The following ARHGAP44 variants were observed in gnomAD, a reference collection of about 807,000 sequenced individuals.
ARHGAP44 encodes Rho GTPase activating protein 44.
ARHGAP44 carries 43 observed loss-of-function variants against 106.8 expected under a neutral mutation model. That is an observed-to-expected ratio of 0.40 (90% CI 0.32 to 0.52). The LOEUF (loss-of-function observed/expected upper bound fraction) is 0.52, where lower values mean the gene tolerates loss of function less well. ARHGAP44 is among the 20% of genes least tolerant of loss of function. The pLI is 0.48. For synonymous variants in ARHGAP44, 439 were observed against 410.3 expected (o/e 1.07, Z -0.85); for missense variants, 866 against 1,050.5 (o/e 0.82, Z 2.43).
intron 3 of ARHGAP44, among the ~76,000 whole-genome samples, chr17:12,903,049 C>G (rs183233475): frequency 5.9e-5 from 8 of 135,342 alleles, no homozygotes; most frequent in Admixed American, 1.6e-4. Context: ...AATTAGAGGA[C>G]AGTAGACAAG....
chr17:12,935,564 C>A (rs2038521579), intron 7 of ARHGAP44, among the ~76,000 whole-genome samples: 6 of 88,690 alleles, frequency 6.8e-5, no homozygotes, highest in Admixed American at 1.2e-4. Context: ...AGTGAGACTC[C>A]ATCTCAAAAA....
At position 12,908,814 on chromosome 17, in the gene ARHGAP44, C is replaced by T. The variant is rs1297818929; in HGVS notation, c.199-83C>T. The T allele has an allele frequency of 2.8e-6, 3 of 1,068,838 alleles. No individual in the cohort carries two copies. In the African/African-American group the frequency reaches 4.8e-5, roughly 17 times the overall value. The allele number at this position is 1,068,838 out of a possible 1,614,324, so 66.2% of individuals were successfully genotyped here. ...TTTCATAGTTAATATAATACCTTGG[C>T]AAGTATTTGACTTTTTGCTATTTTA... On this transcript the variant is annotated intron_variant, in intron 3 of 20. Transcript: ENST00000379672.
At chr17:12,970,365 C>CAAAAAAA (rs66577680) in intron 16 of ARHGAP44, among the ~76,000 whole-genome samples, 41 of 54,938 alleles carry the variant, frequency 7.5e-4, no homozygotes, top group East Asian at 1.5e-3. Context: ...GACCCTGTCT[C>CAAAAAAA]AAAAAAAAAA....
chr17:12,976,097 G>A (rs949300412), intron 18 of ARHGAP44, among the ~76,000 whole-genome samples: 1 of 152,148 alleles, frequency 6.6e-6, no homozygotes, highest in Non-Finnish European at 1.5e-5. Flanking sequence ...TCTCCTGTTA[G>A]AAGACATGGC....
intron 1 of ARHGAP44, among the ~76,000 whole-genome samples, chr17:12,791,449 A>G (rs2033754987): frequency 6.6e-6 from 1 of 152,182 alleles, no homozygotes; most frequent in Non-Finnish European, 1.5e-5. Flanking sequence ...CCATCACCTC[A>G]GACCAGCCAA....
At chr17:12,806,994 A>G (rs2034294508) in intron 1 of ARHGAP44, among the ~76,000 whole-genome samples, 1 of 152,178 alleles carries the variant, frequency 6.6e-6, no homozygotes, top group Non-Finnish European at 1.5e-5. Flanking sequence ...TGCTTGGTAA[A>G]GTAGTCTCTA....
At chr17:12,960,761 A>C (rs960418132) in intron 16 of ARHGAP44, among the ~76,000 whole-genome samples, 1 of 151,844 alleles carries the variant, frequency 6.6e-6, no homozygotes, top group African/African-American at 2.4e-5. Flanking sequence ...ATGGGGTTTT[A>C]CCATGTTGGC....
chr17:12,880,035 C>T (rs2036679373), intron 1 of ARHGAP44, among the ~76,000 whole-genome samples: 1 of 151,948 alleles, frequency 6.6e-6, no homozygotes, highest in Non-Finnish European at 1.5e-5. Flanking sequence ...TAAATGAACT[C>T]ATGTTGTCTG....
At chr17:12,951,081 C>T (rs1055739931) in intron 12 of ARHGAP44, among the ~76,000 whole-genome samples, 18 of 152,186 alleles carry the variant, frequency 1.2e-4, no homozygotes, top group African/African-American at 4.1e-4. Context: ...TTATGCACTT[C>T]AAAAGGCTGG....
intron 1 of ARHGAP44, among the ~76,000 whole-genome samples, chr17:12,796,393 A>G (rs1327399590): frequency 1.3e-5 from 2 of 152,206 alleles, no homozygotes; most frequent in Non-Finnish European, 2.9e-5. Flanking sequence ...TTAGAAATGT[A>G]ATTGCTGGGT....
At chr17:12,838,516 C>T (rs953810701) in intron 1 of ARHGAP44, among the ~76,000 whole-genome samples, 8 of 152,232 alleles carry the variant, frequency 5.3e-5, no homozygotes, top group Non-Finnish European at 1.2e-4. Flanking sequence ...TTAAAAAGTG[C>T]CCTAGTGCTC....
chr17:12,800,549 G>T (rs549216157), intron 1 of ARHGAP44, among the ~76,000 whole-genome samples: 6 of 152,290 alleles, frequency 3.9e-5, no homozygotes, highest in South Asian at 4.1e-4. Context: ...TCCTGGCTCT[G>T]AATATTCTGG....
At position 12,963,179 on chromosome 17, in the gene ARHGAP44, G is replaced by GC. The variant is rs938964798; in HGVS notation, c.1523+4283dup. Among the ~76,000 whole-genome samples, 104 of 152,154 alleles carry GC rather than the reference G, an allele frequency of 6.8e-4. 1 individual carries two copies. Among genetic ancestry groups the GC allele is most frequent in the African/African-American group, 2.4e-3 (101 of 41,496 alleles). On this transcript the variant is annotated intron_variant, in intron 16 of 20. Transcript: ENST00000379672. ...CACACCAAGAGCTTTGATAAAGATG[G>GC]CAGCAGATGCTTTGCTTGTCCTCCC...
At chr17:12,849,214 CGTGTGT>C (rs112920406) in intron 1 of ARHGAP44, among the ~76,000 whole-genome samples, 1 of 149,170 alleles carries the variant, frequency 6.7e-6, no homozygotes, top group Non-Finnish European at 1.5e-5. Context: ...CTGAGGTGGG[CGTGTGT>C]GTGTGTGTGT....
In ARHGAP44 at chr17:12,931,841, T is replaced by TACACACACACAC. The variant is rs10522083; in HGVS notation, c.582+2823_582+2834dup. The stretch of plus-strand genomic sequence containing the variant: ...ATTGCATGATATTCCACAGTAGGGA[T>TACACACACACAC]ACACACACACACACACACACACACA... On this transcript the variant is annotated intron_variant, in intron 7 of 20. Coordinates refer to ENST00000379672, the MANE Select transcript of ARHGAP44 (RefSeq NM_014859.6). Among the ~76,000 whole-genome samples the TACACACACACAC allele has an allele frequency of 7.0e-3, 1,031 of 146,396 alleles. 9 individuals are homozygous for TACACACACACAC. Among genetic ancestry groups the TACACACACACAC allele is most frequent in the African/African-American group, 0.024 (958 of 39,414 alleles).
chr17:12,914,266 A>C (rs1012910813), intron 4 of ARHGAP44, among the ~76,000 whole-genome samples: 1 of 152,190 alleles, frequency 6.6e-6, no homozygotes, highest in Admixed American at 6.5e-5. Flanking sequence ...AAATTAAGAC[A>C]CCTACCAGGA....
chr17:12,967,681 C>T (rs2039427445), intron 16 of ARHGAP44, among the ~76,000 whole-genome samples: 1 of 152,144 alleles, frequency 6.6e-6, no homozygotes, highest in Admixed American at 6.5e-5. Flanking sequence ...TCGCTGAGCA[C>T]CTCCTCACCA....
At position 12,857,995 on chromosome 17, in the gene ARHGAP44, C is replaced by G. The variant is rs185899689; in HGVS notation, c.54-36945C>G. Among the ~76,000 whole-genome samples, 67 of 152,172 alleles carry G rather than the reference C, an allele frequency of 4.4e-4. 2 individuals carry two copies. The highest frequency in any genetic ancestry group is 2.3e-3 in the South Asian group (11 of 4,808). On this transcript the variant is annotated intron_variant, in intron 1 of 20. Transcript: ENST00000379672. ...GGCTGCCACTAATCCTGCTCATCCCCTTACCACTGATACTCTTGTGCAAGG... is the reference window on the plus strand; with the variant it reads ...GGCTGCCACTAATCCTGCTCATCCCGTTACCACTGATACTCTTGTGCAAGG...
In ARHGAP44 at chr17:12,817,997, A is replaced by G. The variant is rs550944924; in HGVS notation, c.53+28106A>G. 2.6e-5 allele frequency among the ~76,000 whole-genome samples: 4 copies of G among 152,136 alleles called. No individual in the cohort carries two copies. The South Asian group carries it at 6.2e-4, about 24-fold the overall frequency. On this transcript the variant is annotated intron_variant, in intron 1 of 20. Transcript: ENST00000379672. ...GAAGGAGAGAGAACACTTCATATCT[A>G]TTTTGTGAGGTCTTTATTACACTGA...
Sources: allele counts gnomAD v4.1 joint callset (sites outside exome capture counted in the v4.1 genomes callset), GRCh38; gene constraint gnomAD v4.1.1; transcripts MANE v1.5; gene names NCBI Gene and HGNC (gene_info 2026-07-23, HGNC 2026-07-21).